Variants in VBP1 observed in about 807,000 individuals in gnomAD.
VBP1 encodes prefoldin subunit 3.
Under a neutral mutation model 15.5 loss-of-function variants are expected in VBP1, and 4 were observed. The ratio of observed to expected loss-of-function variants is 0.26; its 90% CI spans 0.13 to 0.59. The LOEUF (loss-of-function observed/expected upper bound fraction) is 0.59. VBP1 is among the 20% of genes least tolerant of loss of function. The pLI is 0.90. For synonymous variants in VBP1, 61 were observed against 52.1 expected, an observed-to-expected ratio of 1.17 and a Z score of -0.74; for missense variants, 108 against 139.6, an observed-to-expected ratio of 0.77 and a Z score of 1.14.
rs11887 is a variant in VBP1 at position 155,239,176 on chromosome X, T to C, written c.*334T>C. 85,041 of 145,308 alleles carry C rather than the reference T, an allele frequency of 0.59. 21,520 individuals carry two copies. The highest frequency in any genetic ancestry group is 0.76 in the Middle Eastern group (280 of 368). 12.0% of individuals were successfully genotyped at this position (145,308 alleles called of 1,213,427 possible). A position where few individuals can be genotyped will look rare whatever the true frequency, so the allele number is the denominator to read the frequency against. On this transcript the variant is annotated 3_prime_UTR_variant, in exon 6 of 6. Transcript: ENST00000286428. ...ACAGTTTACTTTTTCCCTTTCTAAT[T>C]GGCTGATGTTACTCTCACTTGATGT...
Position 155,201,630 on chromosome X carries a change from A to G in VBP1, c.-31+4491A>G, listed in dbSNP as rs1271899017. Among the ~76,000 whole-genome samples, 30 of 89,405 alleles carry G rather than the reference A, an allele frequency of 3.4e-4. 1 individual carries two copies. The highest frequency in any genetic ancestry group is 1.2e-3 in the African/African-American group (24 of 19,797). The allele number at this position is 89,405 out of a possible 115,157, so 77.6% of individuals were successfully genotyped here. The stretch of plus-strand genomic sequence containing the variant: ...TATCTCAAAATAATAAGAGCTATCT[A>G]TGACAAACCCACAGCCAATATCATA... On this transcript the variant is annotated intron_variant, in intron 1 of 6. Transcript: ENST00000535916.
upstream of VBP1, chrX:155,216,226 C>G (rs1001923243): frequency 1.7e-5 from 8 of 484,734 alleles, no homozygotes; most frequent in Non-Finnish European, 2.6e-5. Flanking sequence ...CCCAGGAGGA[C>G]GTATGGGTTT....
intron 1 of VBP1, among the ~76,000 whole-genome samples, chrX:155,205,133 G>T (rs2074621978): frequency 8.9e-6 from 1 of 111,772 alleles, no homozygotes; most frequent in Non-Finnish European, 1.9e-5. Context: ...GTAATCACTA[G>T]TTCTATTTGT....
intron 1 of VBP1, among the ~76,000 whole-genome samples, chrX:155,204,571 G>GA: frequency 8.9e-6 from 1 of 111,869 alleles, no homozygotes; most frequent in South Asian, 3.7e-4. Flanking sequence ...TCTTGCATTG[G>GA]AAAAAATGGC....
rs782649818 is a variant in VBP1, at chrX:155,238,854, A to G, written c.*12A>G. ...AGAACAAAGCATAATGCTGGCAATT[A>G]AAAATGTGGTTTAGTTTTCCAAACA... is the stretch of plus-strand genomic sequence containing the variant. On this transcript the variant is annotated 3_prime_UTR_variant, in exon 6 of 6. Coordinates refer to ENST00000286428, the MANE Select transcript of VBP1 (RefSeq NM_003372.7). The G allele has an allele frequency of 1.7e-6, 2 of 1,187,531 alleles. No homozygotes were observed. The highest frequency in any genetic ancestry group is 2.3e-6 in the Non-Finnish European group (2 of 881,749).
At chrX:155,213,207 T>G (rs1336099894), upstream of VBP1, among the ~76,000 whole-genome samples, 2 of 111,852 alleles carry the variant, frequency 1.8e-5, no homozygotes, top group African/African-American at 6.5e-5. Flanking sequence ...AGAAACTGAA[T>G]CAGAAGGTCG....
In VBP1 at chrX:155,238,929, G is replaced by A; in HGVS notation, c.*87G>A. 4.6e-6 allele frequency: 3 copies of A among 646,150 alleles called. No homozygotes were observed. Among genetic ancestry groups the A allele is most frequent in the Non-Finnish European group, 6.6e-6 (3 of 452,012 alleles). The allele number at this position is 646,150 out of a possible 1,213,427, so 53.3% of individuals were successfully genotyped here. A position where few individuals can be genotyped will look rare whatever the true frequency, so the allele number is the denominator to read the frequency against. The stretch of plus-strand genomic sequence containing the variant: ...CTTACAGGTTGACATAACTTTGAAT[G>A]TTTTAACAGCAAGAATTTTAAGAAA... On this transcript the variant is annotated 3_prime_UTR_variant, in exon 6 of 6. Coordinates refer to ENST00000286428, the MANE Select transcript of VBP1 (RefSeq NM_003372.7).
At chrX:155,236,527 C>T in intron 5 of VBP1, among the ~76,000 whole-genome samples, 160 bp downstream of exon 5, 1 of 111,827 alleles carries the variant, frequency 8.9e-6, no homozygotes, top group Non-Finnish European at 1.9e-5. Context: ...ACCACCATGG[C>T]ACACGTTTAC....
At chrX:155,235,658 T>C (rs1316617025) in intron 4 of VBP1, among the ~76,000 whole-genome samples, 2 of 112,353 alleles carry the variant, frequency 1.8e-5, no homozygotes, top group African/African-American at 6.5e-5. Flanking sequence ...AGCTGTCTTT[T>C]TTACCTGGTC....
At chrX:155,215,765 T>C (rs1557308945), upstream of VBP1, among the ~76,000 whole-genome samples, 1 of 111,861 alleles carries the variant, frequency 8.9e-6, no homozygotes, top group Non-Finnish European at 1.9e-5. Context: ...ATGACACATG[T>C]GCTTTTAAAG....
chrX:155,215,508 A>G (rs1245112141), upstream of VBP1, among the ~76,000 whole-genome samples: 1 of 112,205 alleles, frequency 8.9e-6, no homozygotes, highest in Non-Finnish European at 1.9e-5. Context: ...TCACAATATG[A>G]CGATACCAAT....
intron 1 of VBP1, among the ~76,000 whole-genome samples, chrX:155,207,874 A>G (rs781975570): frequency 1.8e-5 from 2 of 112,036 alleles, no homozygotes; most frequent in Non-Finnish European, 3.8e-5. Flanking sequence ...CATGTCCTCT[A>G]CAACATTTTC....
intron 1 of VBP1, among the ~76,000 whole-genome samples, chrX:155,208,026 T>C (rs2074631843): frequency 8.9e-6 from 1 of 111,928 alleles, no homozygotes. Flanking sequence ...CAGTTGTTCT[T>C]AAGTAAGCCC....
chrX:155,216,417 ACAAGC>A, upstream of VBP1: 1 of 1,150,396 alleles, frequency 8.7e-7, no homozygotes, highest in Non-Finnish European at 1.2e-6. Context: ...GCAAGTGCGA[ACAAGC>A]CAATCACGGA....
intron 1 of VBP1, among the ~76,000 whole-genome samples, chrX:155,204,718 T>C (rs2074620695): frequency 8.9e-6 from 1 of 112,018 alleles, no homozygotes; most frequent in Non-Finnish European, 1.9e-5. Flanking sequence ...AATTAATAGA[T>C]AATCCAAAAT....
chrX:155,210,101 C>T (rs950959910), intron 2 of VBP1, among the ~76,000 whole-genome samples: 8 of 111,000 alleles, frequency 7.2e-5, no homozygotes, highest in Non-Finnish European at 1.3e-4. Flanking sequence ...AATAATTCAC[C>T]TAACCCACTC....
At chrX:155,228,833 T>A (rs2074732185) in intron 4 of VBP1, among the ~76,000 whole-genome samples, 1 of 112,410 alleles carries the variant, frequency 8.9e-6, no homozygotes, top group South Asian at 3.7e-4. Flanking sequence ...AAGGTACTGC[T>A]GAACTTTAGA....
At chrX:155,210,192 TC>T (rs1259176767) in intron 2 of VBP1, among the ~76,000 whole-genome samples, 1 of 111,693 alleles carries the variant, frequency 9.0e-6, no homozygotes, top group African/African-American at 3.3e-5. Flanking sequence ...AAGCTTGTAA[TC>T]CCAGCACTTT....
intron 1 of VBP1, among the ~76,000 whole-genome samples, chrX:155,201,523 C>T (rs2074603953): frequency 1.2e-5 from 1 of 84,798 alleles, no homozygotes; most frequent in Non-Finnish European, 2.2e-5. Context: ...ATGATTATCT[C>T]AATAGATGCA....
Sources: gnomAD v4.1 joint callset for allele counts (sites outside exome capture counted in the v4.1 genomes callset) on GRCh38, gnomAD v4.1.1 for gene constraint, MANE v1.5 for transcripts, NCBI Gene and HGNC (gene_info 2026-07-23, HGNC 2026-07-21) for gene names.